PSMD7: variants seen among roughly 807,000 people sequenced by gnomAD.
PSMD7 encodes proteasome 26S subunit, non-ATPase 7, also known as 26S proteasome non-ATPase regulatory subunit 7.
Under a neutral mutation model 36.4 loss-of-function variants are expected in PSMD7, and 13 were observed. The ratio of observed to expected loss-of-function variants is 0.36; its 90% confidence interval spans 0.23 to 0.57. The LOEUF (loss-of-function observed/expected upper bound fraction) is 0.57, where lower values mean the gene tolerates loss of function less well. Among genes scored for constraint, PSMD7 ranks in the 20% least tolerant of loss-of-function variants. The probability of loss-of-function intolerance (pLI) is 0.83; values close to 1 mark genes in which losing one functional copy is unlikely to be tolerated. For synonymous variants in PSMD7, 186 were observed against 151.0 expected (o/e 1.23, Z -1.70); for missense variants, 298 against 393.6 (o/e 0.76, Z 2.06).
chr16:74,297,196 G>A (rs1252323071), intron 1 of PSMD7, among the ~76,000 whole-genome samples: 4 of 152,246 alleles, frequency 2.6e-5, no homozygotes, highest in African/African-American at 9.6e-5. Flanking sequence ...CCACTTCGGG[G>A]CCTTGGCTGC....
chr16:74,300,773 T>C (rs545745493), intron 2 of PSMD7, among the ~76,000 whole-genome samples: 1 of 152,344 alleles, frequency 6.6e-6, no homozygotes, highest in South Asian at 2.1e-4. Flanking sequence ...ACTGGACTTC[T>C]AGAAAACTGA....
intron 2 of PSMD7, 32 bp downstream of exon 2, chr16:74,300,238 T>C (rs575216094): frequency 1.3e-5 from 21 of 1,558,368 alleles, no homozygotes; most frequent in South Asian, 7.8e-5. Context: ...TTTCCGAGCA[T>C]GATTAAAATG....
Position 74,305,206 on chromosome 16 carries a change from A to T in PSMD7, c.531-83A>T. 2.1e-6 allele frequency: 3 copies of T among 1,446,676 alleles called. No individual in the cohort carries two copies. The East Asian group carries it at 7.0e-5, about 34-fold the overall frequency. 89.6% of individuals were successfully genotyped at this position (1,446,676 alleles called of 1,614,324 possible). A position where few individuals can be genotyped will look rare whatever the true frequency, so the allele number is the denominator to read the frequency against. On this transcript the variant is annotated intron_variant, in intron 6 of 6. Transcript: ENST00000219313. ...CTTGCCTCACCCAACAAAGCTAGGA[A>T]TTTTCTTAGAATGTAAGAACTTGCC...
intron 1 of PSMD7, 71 bp from the exon 2 acceptor site, chr16:74,300,044 T>G (rs2034143384): frequency 1.5e-6 from 2 of 1,299,718 alleles, no homozygotes; most frequent in Non-Finnish European, 2.2e-6. Flanking sequence ...TATTTCCCAT[T>G]GAGTATCTTA....
At position 74,304,320 on chromosome 16, in the gene PSMD7, G is replaced by A. The variant is rs146675242; in HGVS notation, c.456G>A (p.Ser152=). 22 of 1,613,972 alleles carry A rather than the reference G, an allele frequency of 1.4e-5. No homozygotes were observed. The highest frequency in any genetic ancestry group is 2.7e-5 in the African/African-American group (2 of 74,904). Residue 152 remains serine (S), a synonymous_variant, in exon 6 of 7, where the codon TCG becomes TCA. Coordinates refer to ENST00000219313, the MANE Select transcript of PSMD7 (RefSeq NM_002811.5). ...EEVHDDGTPT[S]KTFEHVTSEI... ...TCTCCCAGGATGGAACTCCAACCTC[G>A]AAAACATTTGAACACGTGACCAGTG... is the stretch of plus-strand genomic sequence containing the variant.
intron 1 of PSMD7, among the ~76,000 whole-genome samples, chr16:74,298,275 T>C (rs776948805): frequency 7.2e-5 from 11 of 152,138 alleles, no homozygotes; most frequent in Non-Finnish European, 1.5e-4. Context: ...CACCACCTCT[T>C]GGCTTTGGAG....
At chr16:74,301,257 A>G (rs1021289589) in intron 3 of PSMD7, 113 bp downstream of exon 3, 7 of 721,216 alleles carry the variant, frequency 9.7e-6, no homozygotes, top group South Asian at 1.8e-5. Context: ...ACACTTCAGT[A>G]AGACTAGTGG....
intron 4 of PSMD7, 118 bp downstream of exon 4, chr16:74,301,770 TTC>T: frequency 1.3e-6 from 1 of 760,990 alleles, no homozygotes; most frequent in Admixed American, 2.4e-5. Flanking sequence ...CTCCATAAAC[TTC>T]TGTTGATTTG....
At chr16:74,304,820 G>A (rs902272395) in intron 6 of PSMD7, 13 of 167,122 alleles carry the variant, frequency 7.8e-5, no homozygotes, top group Non-Finnish European at 1.7e-4. Flanking sequence ...TTTGAAAAAG[G>A]TTATAGTTTT....
rs922894265 is a variant in PSMD7, at chr16:74,304,696, A to G, written c.530+302A>G. 2.6e-5 allele frequency: 6 copies of G among 228,434 alleles called. No individual in the cohort carries two copies. The East Asian group carries it at 5.9e-4, about 22-fold the overall frequency. 14.2% of individuals were successfully genotyped at this position (228,434 alleles called of 1,614,324 possible). A position where few individuals can be genotyped will look rare whatever the true frequency, so the allele number is the denominator to read the frequency against. ...GGGAAGAGAGGTATGAAATAAATGC[A>G]GGCCTGCACTCTCCACTAGGTGTCC... On this transcript the variant is annotated intron_variant, in intron 6 of 6. Transcript: ENST00000219313.
Position 74,306,003 on chromosome 16 carries a change from C to G in PSMD7, c.*270C>G, listed in dbSNP as rs1345126852. 1.0e-5 allele frequency: 3 copies of G among 292,260 alleles called. No homozygotes were observed. In the Admixed American group the frequency reaches 1.5e-4, roughly 15 times the overall value. The allele number at this position is 292,260 out of a possible 1,614,324, so 18.1% of individuals were successfully genotyped here. The stretch of plus-strand genomic sequence containing the variant: ...TATGAGAAAAATGAAGAGAAGTCAA[C>G]AAATATTTTGGTACTCTTCATTCAT... On this transcript the variant is annotated 3_prime_UTR_variant, in exon 7 of 7. Coordinates refer to ENST00000219313, the MANE Select transcript of PSMD7 (RefSeq NM_002811.5).
At chr16:74,304,577 G>GTGTT in intron 6 of PSMD7, 183 bp downstream of exon 6, 1 of 535,988 alleles carries the variant, frequency 1.9e-6, no homozygotes, top group Non-Finnish European at 3.4e-6. Flanking sequence ...GTAAATTGAA[G>GTGTT]TGTTTGAACT....
intron 5 of PSMD7, 193 bp from the exon 6 acceptor site, chr16:74,304,110 G>A (rs2034177039): frequency 1.9e-6 from 1 of 534,076 alleles, no homozygotes. Context: ...GCATCACTGA[G>A]CAGCACCACA....
chr16:74,299,718 A>G (rs1326478873), intron 1 of PSMD7: 1 of 325,030 alleles, frequency 3.1e-6, no homozygotes. Flanking sequence ...TATTCCAAAA[A>G]AGATTTCAGG....
chr16:74,297,769 G>A (rs77192437), intron 1 of PSMD7, among the ~76,000 whole-genome samples: 3,053 of 150,492 alleles, frequency 0.02, 92 homozygotes, highest in African/African-American at 0.071. Flanking sequence ...TGCCGGAGTG[G>A]GGCTAAGGGG....
intron 1 of PSMD7, among the ~76,000 whole-genome samples, chr16:74,298,028 C>G (rs1327313358): frequency 2.0e-5 from 3 of 151,914 alleles, no homozygotes; most frequent in African/African-American, 7.3e-5. Flanking sequence ...CATGGTGGCT[C>G]ACGCCTGTAA....
At position 74,304,389 on chromosome 16, in the gene PSMD7, G is replaced by A. The variant is rs1770766871; in HGVS notation, c.525G>A (p.Leu175=). 6.2e-7 allele frequency: 1 copy of A among 1,612,452 alleles called. No individual in the cohort carries two copies. The highest frequency in any genetic ancestry group is 8.5e-7 in the Non-Finnish European group (1 of 1,178,526). The change falls in exon 6 of 7, where the codon TTG becomes TTA. Residue 175 remains leucine, a synonymous_variant. Transcript: ENST00000219313. ...EEAEEVGVEH[L]LRDIKDTTVG... Reference sequence around the variant, plus strand: ...CTGAGGAAGTTGGAGTTGAACACTTGTTACGGTGAGACCCTAGTACAGCAT... The same window carrying A: ...CTGAGGAAGTTGGAGTTGAACACTTATTACGGTGAGACCCTAGTACAGCAT...
chr16:74,300,250 C>A, intron 2 of PSMD7, 44 bp downstream of exon 2: 1 of 1,517,792 alleles, frequency 6.6e-7, no homozygotes, highest in Non-Finnish European at 9.1e-7. Context: ...ATTAAAATGT[C>A]AGTTTACCCT....
rs1597118224 is a variant in PSMD7 at position 74,300,125 on chromosome 16, G to T, written c.85G>T (p.Val29Phe). The T allele has an allele frequency of 1.2e-6, 2 of 1,614,174 alleles. No homozygotes were observed. Among genetic ancestry groups the T allele is most frequent in the South Asian group, 1.1e-5 (1 of 91,090 alleles). ...VVDHFNRIGKVGNQKRVVGVL... is the reference protein window; with the variant it reads ...VVDHFNRIGKFGNQKRVVGVL... Reference sequence around the variant, plus strand: ...TGTTTTCTCATTCAGAATCGGCAAGGTTGGAAACCAGAAGCGTGTTGTTGG... The same window carrying T: ...TGTTTTCTCATTCAGAATCGGCAAGTTTGGAAACCAGAAGCGTGTTGTTGG... The change falls in exon 2 of 7, where the codon GTT (valine) becomes TTT (phenylalanine). Residue 29 changes from valine (V) to phenylalanine (F), a missense_variant. Physicochemically the swap from Val to Phe is conservative, Grantham distance 50 (BLOSUM62 -1). Transcript: ENST00000219313.
Sources: gnomAD v4.1 joint callset for allele counts (sites outside exome capture counted in the v4.1 genomes callset) on GRCh38, gnomAD v4.1.1 for gene constraint, MANE v1.5 for transcripts, NCBI Gene and HGNC (gene_info 2026-07-23, HGNC 2026-07-21) for gene names.